MACROD2: variants seen among roughly 807,000 people sequenced by gnomAD.
MACROD2 encodes the protein mono-ADP ribosylhydrolase 2, also known as ADP-ribose glycohydrolase MACROD2.
MACROD2 carries 36 observed loss-of-function variants against 70.4 expected under a neutral mutation model. That is an observed-to-expected ratio of 0.51 (90% CI 0.39 to 0.68). MACROD2 has a LOEUF of 0.68. Ranked by LOEUF, MACROD2 falls within the 30% of genes least tolerant of loss-of-function variation. The probability of loss-of-function intolerance (pLI) is 0.00; values close to 1 mark genes in which losing one functional copy is unlikely to be tolerated. For missense variants in MACROD2, 496 were observed against 538.4 expected, an observed-to-expected ratio of 0.92 and a Z score of 0.78; for synonymous variants, 172 against 178.8, an observed-to-expected ratio of 0.96 and a Z score of 0.30.
At chr20:15,349,984 TAGATGAAAGAA>T (rs796367884) in intron 6 of MACROD2, among the ~76,000 whole-genome samples, 7 of 152,190 alleles carry the variant, frequency 4.6e-5, no homozygotes, top group African/African-American at 1.7e-4. Flanking sequence ...TCATTGCTGA[TAGATGAAAGAA>T]AACTGGGACC....
intron 2 of MACROD2, among the ~76,000 whole-genome samples, chr20:14,036,668 T>A (rs1346042252): frequency 6.6e-6 from 1 of 152,162 alleles, no homozygotes; most frequent in African/African-American, 2.4e-5. Flanking sequence ...ACTTAGTAAA[T>A]ATCTATTGAT....
At chr20:14,420,724 A>G (rs1167927447) in intron 3 of MACROD2, among the ~76,000 whole-genome samples, 1 of 152,056 alleles carries the variant, frequency 6.6e-6, no homozygotes, top group Non-Finnish European at 1.5e-5. Context: ...CAGGTCTCTC[A>G]TTCTGTCACC....
intron 3 of MACROD2, among the ~76,000 whole-genome samples, chr20:14,314,483 G>A (rs373044387): frequency 7.2e-5 from 11 of 152,092 alleles, no homozygotes; most frequent in Admixed American, 2.6e-4. Flanking sequence ...TTTTTTGGCC[G>A]TGGGCGGTGG....
At chr20:15,247,994 A>C (rs1041141362) in intron 6 of MACROD2, among the ~76,000 whole-genome samples, 3 of 152,144 alleles carry the variant, frequency 2.0e-5, no homozygotes, top group Non-Finnish European at 4.4e-5. Flanking sequence ...CACCGCACCC[A>C]GCCAGACTTT....
chr20:15,017,715 A>G (rs573465155), intron 5 of MACROD2, among the ~76,000 whole-genome samples: 5 of 152,338 alleles, frequency 3.3e-5, no homozygotes, highest in African/African-American at 1.2e-4. Context: ...CCAAACCTCA[A>G]TTCTAGACTT....
chr20:14,969,897 T>G (rs1008904819), intron 5 of MACROD2, among the ~76,000 whole-genome samples: 3 of 152,082 alleles, frequency 2.0e-5, no homozygotes, highest in Non-Finnish European at 2.9e-5. Context: ...AATGTTCACA[T>G]CTCCAAAAGG....
At chr20:15,858,313 C>A (rs2064381115) in intron 8 of MACROD2, among the ~76,000 whole-genome samples, 1 of 152,100 alleles carries the variant, frequency 6.6e-6, no homozygotes. Flanking sequence ...TGCTCCTGGG[C>A]CTCAATAGCG....
Position 14,177,301 on chromosome 20 carries a change from C to CTTTT in MACROD2, c.271+91587_271+91590dup, listed in dbSNP as rs71190114. 8.0e-5 allele frequency among the ~76,000 whole-genome samples: 10 copies of CTTTT among 125,424 alleles called. 1 individual carries two copies. Among genetic ancestry groups the CTTTT allele is most frequent in the Admixed American group, 5.9e-4 (7 of 11,782 alleles). The allele number at this position is 125,424 out of a possible 152,430, so 82.3% of individuals were successfully genotyped here. A position where few individuals can be genotyped will look rare whatever the true frequency, so the allele number is the denominator to read the frequency against. On this transcript the variant is annotated intron_variant, in intron 3 of 17. Coordinates refer to ENST00000684519, the MANE Select transcript of MACROD2 (RefSeq NM_001351661.2). Reference sequence around the variant, plus strand: ...AACCTAGTAAAATAGGAGATATCTTCTTTTTTTTTTTTTTTTTGAGAAGGA... The same window carrying CTTTT: ...AACCTAGTAAAATAGGAGATATCTTCTTTTTTTTTTTTTTTTTTTTTGAGAAGGA...
intron 5 of MACROD2, among the ~76,000 whole-genome samples, chr20:14,890,307 G>A (rs2073738015): frequency 6.6e-6 from 1 of 152,082 alleles, no homozygotes; most frequent in South Asian, 2.1e-4. Context: ...AGAGGATGGA[G>A]GTCTGAGCCT....
At chr20:15,411,182 A>AG (rs2046074778) in intron 6 of MACROD2, among the ~76,000 whole-genome samples, 1 of 149,904 alleles carries the variant, frequency 6.7e-6, no homozygotes, top group East Asian at 1.9e-4. Context: ...ACACACACAA[A>AG]GCTGAGAGAG....
intron 12 of MACROD2, among the ~76,000 whole-genome samples, chr20:15,958,505 G>A (rs1568667761): frequency 6.6e-6 from 1 of 152,162 alleles, no homozygotes; most frequent in Non-Finnish European, 1.5e-5. Context: ...GAACTGAAAT[G>A]GAGAAAGAGA....
At chr20:14,226,780 G>A (rs1485664016) in intron 3 of MACROD2, among the ~76,000 whole-genome samples, 7 of 152,246 alleles carry the variant, frequency 4.6e-5, no homozygotes, top group Admixed American at 2.0e-4. Flanking sequence ...CGCCATGCCT[G>A]AGCCTCCCAC....
chr20:15,656,600 G>A (rs2049734340), intron 8 of MACROD2, among the ~76,000 whole-genome samples: 1 of 152,240 alleles, frequency 6.6e-6, no homozygotes, highest in African/African-American at 2.4e-5. Context: ...CTTTTAATAT[G>A]AGTCCAATAA....
intron 8 of MACROD2, among the ~76,000 whole-genome samples, chr20:15,606,050 CTTTG>C (rs2048888910): frequency 2.6e-5 from 4 of 152,154 alleles, no homozygotes; most frequent in African/African-American, 9.6e-5. Flanking sequence ...CTTTTAATGC[CTTTG>C]TTTGGATTTT....
intron 8 of MACROD2, among the ~76,000 whole-genome samples, chr20:15,826,297 G>A (rs1028165257): frequency 2.6e-4 from 39 of 152,280 alleles, no homozygotes; most frequent in African/African-American, 9.1e-4. Flanking sequence ...ACGCATGGGG[G>A]ATGGGAAGTG....
intron 10 of MACROD2, among the ~76,000 whole-genome samples, chr20:15,926,943 C>G (rs2065499206): frequency 6.6e-6 from 1 of 152,116 alleles, no homozygotes; most frequent in African/African-American, 2.4e-5. Context: ...GTGTTGAGAA[C>G]AAGAACTGAA....
At chr20:15,781,447 T>G (rs1028544807) in intron 8 of MACROD2, among the ~76,000 whole-genome samples, 2 of 123,048 alleles carry the variant, frequency 1.6e-5, no homozygotes, top group African/African-American at 7.1e-5. Context: ...ACTAGAAATT[T>G]ATTTCTTATA....
chr20:15,778,510 A>G (rs2147033377), intron 8 of MACROD2, among the ~76,000 whole-genome samples: 1 of 152,232 alleles, frequency 6.6e-6, no homozygotes, highest in African/African-American at 2.4e-5. Context: ...ATCGAAGTTG[A>G]CATCAGGGCA....
chr20:15,192,101 G>A (rs1347342804), intron 5 of MACROD2, among the ~76,000 whole-genome samples: 1 of 148,784 alleles, frequency 6.7e-6, no homozygotes, highest in African/African-American at 2.5e-5. Context: ...AGTTTATTTG[G>A]GAATTGATCC....
Sources: gnomAD v4.1 joint callset for allele counts (sites outside exome capture counted in the v4.1 genomes callset) on GRCh38, gnomAD v4.1.1 for gene constraint, MANE v1.5 for transcripts, NCBI Gene and HGNC (gene_info 2026-07-23, HGNC 2026-07-21) for gene names.